The following SLC12A7 variants were observed in gnomAD, a reference collection of about 807,000 sequenced individuals.
SLC12A7 encodes the protein K-Cl cotransporter 4.
In SLC12A7, 100 loss-of-function variants were observed where a neutral mutation model predicts 120.6. That is an observed-to-expected ratio of 0.83 (90% CI 0.71 to 0.98). The LOEUF is 0.98. SLC12A7 is among the 50% of genes least tolerant of loss of function. SLC12A7 has a pLI of 0.00. For missense variants in SLC12A7, 1,373 were observed against 1,548.1 expected, an observed-to-expected ratio of 0.89 and a Z score of 1.90; for synonymous variants, 760 against 678.0, an observed-to-expected ratio of 1.12 and a Z score of -1.88.
At chr5:1,136,242 A>G in the SLC12A7 span, among the ~76,000 whole-genome samples, 1 of 151,844 alleles carries the variant, frequency 6.6e-6, no homozygotes, top group Non-Finnish European at 1.5e-5. Flanking sequence ...CTGTCCCTCC[A>G]ACCCAGCTCC....
At chr5:1,153,437 G>A in the SLC12A7 span, among the ~76,000 whole-genome samples, 8 of 152,218 alleles carry the variant, frequency 5.3e-5, no homozygotes, top group South Asian at 2.1e-4. Context: ...TTTCCTCAGG[G>A]GCCTCTGGGG....
At position 1,053,497 on chromosome 5, in the gene SLC12A7, GGCACGGTCAGCGGGCGGCGGGT is replaced by G; in HGVS notation, c.3027-37_3027-16del. On this transcript the variant is annotated splice_polypyrimidine_tract_variant and intron_variant, in intron 22 of 23. Transcript: ENST00000264930. ...TGGACTGGTCCCTGCAGGGGAGGTG[GGCACGGTCAGCGGGCGGCGGGT>G]GCACCCCACGCTCCGGACACGAGGC... 6.2e-7 allele frequency: 1 copy of G among 1,611,920 alleles called. No individual in the cohort carries two copies. Among genetic ancestry groups the G allele is most frequent in the South Asian group, 1.1e-5 (1 of 90,894 alleles).
chr5:1,078,247 G>C (rs1430185487), intron 11 of SLC12A7, among the ~76,000 whole-genome samples: 1 of 152,134 alleles, frequency 6.6e-6, no homozygotes, highest in Non-Finnish European at 1.5e-5. Flanking sequence ...GGTCGCTCTT[G>C]GGAGCAGGGA....
At chr5:1,152,784 G>C in the SLC12A7 span, among the ~76,000 whole-genome samples, 1 of 152,128 alleles carries the variant, frequency 6.6e-6, no homozygotes, top group African/African-American at 2.4e-5. Context: ...ACTGAGGGAT[G>C]ACCGACACGG....
intron 7 of SLC12A7, 32 bp downstream of exon 7, chr5:1,085,200 C>A (rs1275405536): frequency 6.8e-6 from 11 of 1,607,450 alleles, no homozygotes; most frequent in Non-Finnish European, 9.3e-6. Context: ...CAGCCCCACA[C>A]CCACCCACGG....
chr5:1,060,565 GTCCCGGGCCCCACAGGCCCCCTCTGGC>G (rs1736076573), intron 20 of SLC12A7, 114 bp from the exon 21 acceptor site: 1 of 773,970 alleles, frequency 1.3e-6, no homozygotes, highest in Non-Finnish European at 2.2e-6. Flanking sequence ...AAGGCCACGC[GTCCCGGGCCCCACAGGCCCCCTCTGGC>G]TCTCAGGCCC....
rs1735085734 is a variant in SLC12A7 at position 1,051,979 on chromosome 5, T to C, written c.*381A>G. ...TCCGGGTGCTCTTCCAAGAATGTTC[T>C]GGATGGGGTAGAAATGCAACCTAAC... On this transcript the variant is annotated 3_prime_UTR_variant, in exon 24 of 24. Coordinates refer to ENST00000264930, the MANE Select transcript of SLC12A7 (RefSeq NM_006598.3). 8.4e-6 allele frequency: 2 copies of C among 237,912 alleles called. No individual in the cohort carries two copies. The highest frequency in any genetic ancestry group is 4.5e-5 in the African/African-American group (2 of 44,076). The allele number at this position is 237,912 out of a possible 1,614,324, so 14.7% of individuals were successfully genotyped here.
chr5:1,090,708 T>C (rs1433788336), intron 3 of SLC12A7, among the ~76,000 whole-genome samples: 1 of 151,838 alleles, frequency 6.6e-6, no homozygotes, highest in Non-Finnish European at 1.5e-5. Context: ...CCCTCCAGGC[T>C]CAGCCTCAAA....
chr5:1,127,210 T>C, the SLC12A7 span, among the ~76,000 whole-genome samples: 2 of 152,150 alleles, frequency 1.3e-5, no homozygotes, highest in African/African-American at 4.8e-5. Context: ...AGACGGGGTT[T>C]CACTGTGTTG....
chr5:1,143,983 T>TGGCGCTGC, the SLC12A7 span, among the ~76,000 whole-genome samples: 6 of 152,090 alleles, frequency 3.9e-5, no homozygotes, highest in Non-Finnish European at 5.9e-5. Flanking sequence ...TTGGGCACCC[T>TGGCGCTGC]GCCCTCCTAC....
intron 17 of SLC12A7, among the ~76,000 whole-genome samples, chr5:1,069,813 T>C (rs1737463139): frequency 6.6e-6 from 1 of 152,114 alleles, no homozygotes. Context: ...CATAAGAAGT[T>C]TGAAAATCAG....
rs1165834937 is a variant in SLC12A7, at chr5:1,083,739, C to T, written c.1129+6G>A. The T allele has an allele frequency of 1.2e-6, 2 of 1,611,564 alleles. No individual in the cohort carries two copies. Among genetic ancestry groups the T allele is most frequent in the Admixed American group, 3.3e-5 (2 of 60,010 alleles). On this transcript the variant is annotated splice_donor_region_variant and intron_variant, in intron 8 of 23. Coordinates refer to ENST00000264930, the MANE Select transcript of SLC12A7 (RefSeq NM_006598.3). Reference sequence around the variant, plus strand: ...CCAGCTCCAGCTGCAGCCCTGTGAGCCTCACCCAGGAAGACACCACTGGCC... The same window carrying T: ...CCAGCTCCAGCTGCAGCCCTGTGAGTCTCACCCAGGAAGACACCACTGGCC...
intron 13 of SLC12A7, 44 bp from the exon 14 acceptor site, chr5:1,076,280 C>G: frequency 6.6e-7 from 1 of 1,506,642 alleles, no homozygotes; most frequent in African/African-American, 1.4e-5. Flanking sequence ...CTGGGCCCCC[C>G]TGAGCCCCCA....
In SLC12A7 at chr5:1,051,673, C is replaced by T. The variant is rs1400628617; in HGVS notation, c.*687G>A. On this transcript the variant is annotated 3_prime_UTR_variant, in exon 24 of 24. Transcript: ENST00000264930. The stretch of plus-strand genomic sequence containing the variant: ...GGCCCTGATGAACTGAACGTGTTCA[C>T]CACACACCCGACAGATGATCCACCA... 1.3e-5 allele frequency: 2 copies of T among 152,402 alleles called. No homozygotes were observed. Among genetic ancestry groups the T allele is most frequent in the Non-Finnish European group, 2.9e-5 (2 of 68,170 alleles). 9.4% of individuals were successfully genotyped at this position (152,402 alleles called of 1,614,324 possible). A position where few individuals can be genotyped will look rare whatever the true frequency, so the allele number is the denominator to read the frequency against.
In SLC12A7 at chr5:1,082,905, T is replaced by C. The variant is rs369810346; in HGVS notation, c.1129+840A>G. Among the ~76,000 whole-genome samples the C allele has an allele frequency of 3.5e-3, 351 of 99,062 alleles. 2 individuals carry two copies. The highest frequency in any genetic ancestry group is 9.0e-3 in the African/African-American group (268 of 29,756). The allele number at this position is 99,062 out of a possible 152,430, so 65.0% of individuals were successfully genotyped here. On this transcript the variant is annotated intron_variant, in intron 8 of 23. Transcript: ENST00000264930. ...TTCCCGTCTCGGGTTCTGGAAAGCC[T>C]GGGCTTCCCGTCTCGGGTTCTGGAA...
In SLC12A7 at chr5:1,057,660, C is replaced by A. The variant is rs773611420; in HGVS notation, c.2848-11G>T. On this transcript the variant is annotated splice_polypyrimidine_tract_variant and intron_variant, in intron 21 of 23. Coordinates refer to ENST00000264930, the MANE Select transcript of SLC12A7 (RefSeq NM_006598.3). ...GTGGATCAGCTGGGCCTGGCGGGCC[C>A]GGGACTTGGTGAGACCAGCCGGTCT... The A allele has an allele frequency of 1.3e-6, 2 of 1,588,630 alleles. No individual in the cohort carries two copies. Among genetic ancestry groups the A allele is most frequent in the Admixed American group, 3.4e-5 (2 of 58,412 alleles).
At chr5:1,110,513 CACTT>C (rs1249291157) in intron 1 of SLC12A7, among the ~76,000 whole-genome samples, 1 of 152,266 alleles carries the variant, frequency 6.6e-6, no homozygotes, top group African/African-American at 2.4e-5. Flanking sequence ...AAGCAAATGA[CACTT>C]ACAGTCTAAA....
chr5:1,104,407 T>C (rs1278365537), intron 1 of SLC12A7, among the ~76,000 whole-genome samples: 1 of 152,216 alleles, frequency 6.6e-6, no homozygotes, highest in Non-Finnish European at 1.5e-5. Context: ...ACAGGAACGC[T>C]GGGAGGGCCA....
intron 23 of SLC12A7, 139 bp downstream of exon 23, chr5:1,053,210 C>T (rs557786230): frequency 4.9e-5 from 55 of 1,124,708 alleles, no homozygotes; most frequent in Middle Eastern, 4.4e-4. Flanking sequence ...CACTGCATCC[C>T]GGTCGTAGCT....
Sources: allele counts gnomAD v4.1 joint callset (sites outside exome capture counted in the v4.1 genomes callset), GRCh38; gene constraint gnomAD v4.1.1; transcripts MANE v1.5; gene names NCBI Gene and HGNC (gene_info 2026-07-23, HGNC 2026-07-21).